The following KMT5B variants were observed in gnomAD, a reference collection of about 807,000 sequenced individuals.
KMT5B encodes the protein histone-lysine N-methyltransferase KMT5B.
Under a neutral mutation model 83.2 loss-of-function variants are expected in KMT5B, and 10 were observed. That is an observed-to-expected ratio of 0.12 (90% confidence interval 0.07 to 0.20). KMT5B has a LOEUF of 0.20. Ranked by LOEUF, KMT5B falls within the 10% of genes least tolerant of loss-of-function variation. The pLI is 1.00. For missense variants in KMT5B, 753 were observed against 1,067.2 expected (o/e 0.71, Z 4.10); for synonymous variants, 349 against 388.8 (o/e 0.90, Z 1.20).
chr11:68,165,452 T>G (rs1855229834), intron 10 of KMT5B, among the ~76,000 whole-genome samples: 1 of 151,486 alleles, frequency 6.6e-6, no homozygotes, highest in Non-Finnish European at 1.5e-5. Flanking sequence ...TGCAGTGAGC[T>G]GAGAGTGTGC....
chr11:68,161,684 A>G (rs1422278642), intron 10 of KMT5B, among the ~76,000 whole-genome samples: 1 of 152,052 alleles, frequency 6.6e-6, no homozygotes, highest in Non-Finnish European at 1.5e-5. Flanking sequence ...TTTTCTTGAG[A>G]AAACCTTTCT....
At position 68,158,487 on chromosome 11, in the gene KMT5B, A is replaced by T; in HGVS notation, c.1859T>A (p.Val620Glu). The change falls in exon 11 of 11, where the codon GTG becomes GAG. Residue 620 changes from valine (V) to glutamate (E), a missense_variant. This residue lies in a region of KMT5B where 397 missense variants were observed against 395.9 expected (regional missense o/e 1.00). Coordinates refer to ENST00000304363, the MANE Select transcript of KMT5B (RefSeq NM_017635.5). The stretch of plus-strand genomic sequence containing the variant: ...TTCCTCTATTTTTGCAAACTGTTTC[A>T]CAAGTTTTCCTTGTCGTGACTTCTT... ...SKKKSRQGKL[V>E]KQFAKIEEST... 1 of 1,614,064 alleles carries T rather than the reference A, an allele frequency of 6.2e-7. No homozygotes were observed. Among genetic ancestry groups the T allele is most frequent in the Non-Finnish European group, 8.5e-7 (1 of 1,180,016 alleles).
At chr11:68,212,719 C>T (rs1861080707) in intron 1 of KMT5B, 2 of 152,390 alleles carry the variant, frequency 1.3e-5, no homozygotes, top group Admixed American at 1.3e-4. Flanking sequence ...CTCGGGAGGG[C>T]TCCGAAATGC....
chr11:68,179,089 T>A (rs58725171), intron 4 of KMT5B, among the ~76,000 whole-genome samples: 2,565 of 152,246 alleles, frequency 0.017, 73 homozygotes, highest in African/African-American at 0.058. Flanking sequence ...CCTCACATTG[T>A]TTCATGGTTA....
intron 1 of KMT5B, among the ~76,000 whole-genome samples, chr11:68,198,508 G>A (rs1859019159): frequency 1.3e-5 from 2 of 152,086 alleles, no homozygotes; most frequent in South Asian, 2.1e-4. Flanking sequence ...AGGGCGGCTA[G>A]CAAAGCCTAA....
At chr11:68,166,218 G>T (rs1220160104) in intron 10 of KMT5B, 2 of 1,277,894 alleles carry the variant, frequency 1.6e-6, no homozygotes, top group East Asian at 3.2e-5. Context: ...AATTAGAAAT[G>T]GTTCCAATAT....
At chr11:68,206,210 C>T (rs187307654) in intron 1 of KMT5B, among the ~76,000 whole-genome samples, 11 of 152,356 alleles carry the variant, frequency 7.2e-5, no homozygotes, top group Admixed American at 2.6e-4. Flanking sequence ...TTTGATCCAT[C>T]TGCTTACCTA....
At chr11:68,191,613 C>T (rs954865725) in intron 1 of KMT5B, among the ~76,000 whole-genome samples, 2 of 152,176 alleles carry the variant, frequency 1.3e-5, no homozygotes, top group African/African-American at 4.8e-5. Flanking sequence ...GGATTATAGG[C>T]GTGAGCCACT....
At chr11:68,179,794 TGA>T in intron 4 of KMT5B, 2 of 443,550 alleles carry the variant, frequency 4.5e-6, no homozygotes, top group Non-Finnish European at 7.2e-6. Flanking sequence ...AGACGCTGAG[TGA>T]GGAGTCGCAG....
At chr11:68,212,309 G>A (rs1861015117) in intron 1 of KMT5B, among the ~76,000 whole-genome samples, 1 of 152,054 alleles carries the variant, frequency 6.6e-6, no homozygotes, top group African/African-American at 2.4e-5. Context: ...TCTATTCTAA[G>A]GAAAACTCCC....
In KMT5B at chr11:68,157,781, A is replaced by C; in HGVS notation, c.2565T>G (p.Ala855=). The change falls in exon 11 of 11, where the codon GCT becomes GCG. Residue 855 remains alanine, a synonymous_variant. Coordinates refer to ENST00000304363, the MANE Select transcript of KMT5B (RefSeq NM_017635.5). ...FEDDFIPLPP[A]KRLRLIVGKD... ...TTCCAACTATTAACCTCAAGCGCTTAGCTGGAGGAAGAGGAATAAAATCGT... is the reference window on the plus strand; with the variant it reads ...TTCCAACTATTAACCTCAAGCGCTTCGCTGGAGGAAGAGGAATAAAATCGT... 6.2e-7 allele frequency: 1 copy of C among 1,614,194 alleles called. No individual in the cohort carries two copies. Among genetic ancestry groups the C allele is most frequent in the Non-Finnish European group, 8.5e-7 (1 of 1,180,026 alleles).
chr11:68,204,357 A>T (rs1859806466), intron 1 of KMT5B, among the ~76,000 whole-genome samples: 1 of 152,144 alleles, frequency 6.6e-6, no homozygotes, highest in East Asian at 1.9e-4. Context: ...ATTATCCTAG[A>T]TTATCTGGGT....
chr11:68,208,406 T>A (rs1447953011), intron 1 of KMT5B, among the ~76,000 whole-genome samples: 1 of 151,784 alleles, frequency 6.6e-6, no homozygotes, highest in African/African-American at 2.4e-5. Flanking sequence ...TGAGCCAAGA[T>A]CGCGCCACTG....
At chr11:68,178,063 C>T (rs1856546934) in intron 4 of KMT5B, among the ~76,000 whole-genome samples, 1 of 152,174 alleles carries the variant, frequency 6.6e-6, no homozygotes, top group South Asian at 2.1e-4. Flanking sequence ...ATAACCCGTG[C>T]TTTGTGTGGC....
chr11:68,185,928 C>T lies in KMT5B; in HGVS notation c.161G>A (p.Cys54Tyr). The change falls in exon 3 of 11, where the codon TGT (cysteine) becomes TAT (tyrosine). Residue 54 changes from cysteine to tyrosine, a missense_variant and splice_region_variant. Physicochemically the swap from Cys to Tyr is radical, Grantham distance 194 (BLOSUM62 -2). This residue lies in a region of KMT5B where 56 missense variants were observed against 91.4 expected (regional missense o/e 0.61). Transcript: ENST00000304363. ...KNAVERRSNRCNGNSGFEGQS... is the reference protein window; with the variant it reads ...KNAVERRSNRYNGNSGFEGQS... ...TCCTTCAAATCCCGAGTTACCATTA[C>T]CTGTGAAAAGCAAAAGCAAGAAAAA... is the stretch of plus-strand genomic sequence containing the variant. 2.5e-6 allele frequency: 4 copies of T among 1,575,480 alleles called. No homozygotes were observed. Among genetic ancestry groups the T allele is most frequent in the Non-Finnish European group, 3.4e-6 (4 of 1,160,216 alleles).
intron 1 of KMT5B, among the ~76,000 whole-genome samples, chr11:68,209,507 C>T (rs1860598255): frequency 6.6e-6 from 1 of 152,120 alleles, no homozygotes; most frequent in African/African-American, 2.4e-5. Flanking sequence ...AGAAGCAAGC[C>T]GAGTGCCATT....
At position 68,155,099 on chromosome 11, in the gene KMT5B, T is replaced by C. The variant is rs1448453322; in HGVS notation, c.*2589A>G. The C allele has an allele frequency of 6.6e-6, 1 of 152,236 alleles. No individual in the cohort carries two copies. The highest frequency in any genetic ancestry group is 1.5e-5 in the Non-Finnish European group (1 of 68,034). 9.4% of individuals were successfully genotyped at this position (152,236 alleles called of 1,614,324 possible). ...GATTGAAAATTGAATACTTTACATA[T>C]ATTTCTATGATCATCTCCTAATTCT... is the stretch of plus-strand genomic sequence containing the variant. On this transcript the variant is annotated 3_prime_UTR_variant, in exon 11 of 11. Transcript: ENST00000304363.
chr11:68,211,721 C>T (rs1432518088), intron 1 of KMT5B, among the ~76,000 whole-genome samples: 1 of 152,044 alleles, frequency 6.6e-6, no homozygotes, highest in Non-Finnish European at 1.5e-5. Context: ...CAAGAGTGTA[C>T]GGGGTGGAGA....
At chr11:68,200,396 A>G (rs1004581168) in intron 1 of KMT5B, among the ~76,000 whole-genome samples, 1 of 152,232 alleles carries the variant, frequency 6.6e-6, no homozygotes, top group Non-Finnish European at 1.5e-5. Context: ...TTATTTTATG[A>G]GTCTAAACTC....
Sources: gnomAD v4.1 joint callset for allele counts (sites outside exome capture counted in the v4.1 genomes callset) on GRCh38, gnomAD v4.1.1 for gene constraint, gnomAD v4.1.1 regional missense constraint, MANE v1.5 for transcripts, NCBI Gene and HGNC (gene_info 2026-07-23, HGNC 2026-07-21) for gene names.